The following TAFA2 variants were observed in gnomAD, a reference collection of about 807,000 sequenced individuals.
The protein encoded by TAFA2 is chemokine-like protein TAFA-2.
TAFA2 carries 7 observed loss-of-function variants against 18.8 expected under a neutral mutation model. The ratio of observed to expected loss-of-function variants is 0.37; its 90% CI spans 0.21 to 0.70. TAFA2 has a LOEUF of 0.70. Among genes scored for constraint, TAFA2 ranks in the 30% least tolerant of loss-of-function variants. The pLI is 0.53. For missense variants in TAFA2, 122 were observed against 158.1 expected, an observed-to-expected ratio of 0.77 and a Z score of 1.23; for synonymous variants, 60 against 54.2, an observed-to-expected ratio of 1.11 and a Z score of -0.47.
At chr12:61,814,602 A>AG (rs1872002442) in intron 2 of TAFA2, among the ~76,000 whole-genome samples, 1 of 151,342 alleles carries the variant, frequency 6.6e-6, no homozygotes, top group Admixed American at 6.6e-5. Context: ...TTGCCTATAA[A>AG]GATTTCCTCA....
intron 1 of TAFA2, among the ~76,000 whole-genome samples, chr12:61,997,242 G>A (rs1437343269): frequency 6.7e-6 from 1 of 148,166 alleles, no homozygotes; most frequent in African/African-American, 2.5e-5. Context: ...ATTTAAAAAA[G>A]TAAAATAATG....
intron 1 of TAFA2, among the ~76,000 whole-genome samples, chr12:61,989,339 A>T (rs573788925): frequency 9.9e-5 from 15 of 152,110 alleles, no homozygotes; most frequent in Admixed American, 2.0e-4. Flanking sequence ...TTACCCAAAA[A>T]AGGTTTATGC....
chr12:61,818,587 C>T (rs887347814), intron 2 of TAFA2, among the ~76,000 whole-genome samples: 3 of 151,898 alleles, frequency 2.0e-5, no homozygotes, highest in African/African-American at 7.3e-5. Context: ...AATGGAGCAC[C>T]ACTCTGAGGC....
At chr12:61,805,237 A>G (rs1244025039) in intron 2 of TAFA2, among the ~76,000 whole-genome samples, 2 of 152,022 alleles carry the variant, frequency 1.3e-5, no homozygotes, top group Non-Finnish European at 1.5e-5. Context: ...ACATGGCACA[A>G]TATTTACTCC....
intron 1 of TAFA2, chr12:62,145,551 T>C (rs945957733): frequency 2.8e-4 from 42 of 152,250 alleles, no homozygotes; most frequent in African/African-American, 9.9e-4. Flanking sequence ...TGGAAGAAAA[T>C]ATATTCATGA....
intron 1 of TAFA2, chr12:61,880,619 C>T (rs1045594250): frequency 1.7e-4 from 70 of 414,976 alleles, no homozygotes; most frequent in African/African-American, 1.3e-3. Flanking sequence ...CCTCACAAGC[C>T]CCCCTCCTCA....
chr12:62,010,197 G>A (rs1378644719), intron 1 of TAFA2, among the ~76,000 whole-genome samples: 1 of 120,592 alleles, frequency 8.3e-6, no homozygotes, highest in African/African-American at 3.3e-5. Context: ...TCTTTATTTG[G>A]TCTCCCTCTG....
At chr12:61,952,799 T>A (rs1878515507) in intron 1 of TAFA2, among the ~76,000 whole-genome samples, 1 of 152,028 alleles carries the variant, frequency 6.6e-6, no homozygotes. Context: ...TGTCTCAGAA[T>A]CAGGCATTCT....
Position 62,019,103 on chromosome 12 carries a change from C to T in TAFA2, c.-1-151677G>A, listed in dbSNP as rs1404831694. On this transcript the variant is annotated intron_variant, in intron 1 of 4. Transcript: ENST00000416284. ...TCATCATCACTGGCCATCAGAGAAA[C>T]GCAAATCAAAACCACAATGAGATAC... 2.8e-4 allele frequency among the ~76,000 whole-genome samples: 43 copies of T among 152,178 alleles called. 1 individual carries two copies. The East Asian group carries it at 2.9e-3, about 10-fold the overall frequency.
At chr12:62,238,167 G>T (rs953991730) in intron 1 of TAFA2, among the ~76,000 whole-genome samples, 12 of 152,156 alleles carry the variant, frequency 7.9e-5, no homozygotes, top group African/African-American at 2.4e-4. Context: ...GAAACAATGG[G>T]TTTCCACATG....
intron 1 of TAFA2, among the ~76,000 whole-genome samples, chr12:61,940,412 G>T (rs1311853948): frequency 6.6e-6 from 1 of 152,206 alleles, no homozygotes; most frequent in Non-Finnish European, 1.5e-5. Flanking sequence ...GGCCATCAGG[G>T]CTTCAACATG....
intron 1 of TAFA2, among the ~76,000 whole-genome samples, chr12:61,895,715 A>G (rs1460948141): frequency 6.6e-6 from 1 of 152,178 alleles, no homozygotes; most frequent in South Asian, 2.1e-4. Flanking sequence ...GGCTGGAAAT[A>G]TGTCATTCTC....
chr12:61,978,931 T>C (rs1329314015), intron 1 of TAFA2, among the ~76,000 whole-genome samples: 3 of 152,090 alleles, frequency 2.0e-5, no homozygotes, highest in African/African-American at 7.2e-5. Context: ...CAATATGTCT[T>C]TAATGAACAC....
At chr12:62,068,138 C>T (rs1592316189) in intron 1 of TAFA2, among the ~76,000 whole-genome samples, 1 of 152,070 alleles carries the variant, frequency 6.6e-6, no homozygotes, top group South Asian at 2.1e-4. Flanking sequence ...AGCTTATTTA[C>T]CTTCCTCACT....
chr12:62,087,304 T>C (rs990847911), intron 1 of TAFA2, among the ~76,000 whole-genome samples: 1 of 152,128 alleles, frequency 6.6e-6, no homozygotes, highest in East Asian at 1.9e-4. Context: ...AATTTCAGAT[T>C]ATGTACACTT....
chr12:62,115,076 T>C (rs1189567708), intron 1 of TAFA2, among the ~76,000 whole-genome samples: 1 of 152,204 alleles, frequency 6.6e-6, no homozygotes, highest in East Asian at 1.9e-4. Context: ...CTCAAAACAT[T>C]GACCTCCTTT....
At chr12:61,921,658 G>C (rs916501277) in intron 1 of TAFA2, among the ~76,000 whole-genome samples, 4 of 152,034 alleles carry the variant, frequency 2.6e-5, no homozygotes, top group Non-Finnish European at 2.9e-5. Flanking sequence ...TCTGCAATTA[G>C]AATTGTTCAA....
chr12:61,716,054 A>G (rs1869644374), intron 4 of TAFA2, among the ~76,000 whole-genome samples: 1 of 152,218 alleles, frequency 6.6e-6, no homozygotes, highest in African/African-American at 2.4e-5. Flanking sequence ...TAGCATCTGC[A>G]TCATAGATTG....
intron 1 of TAFA2, among the ~76,000 whole-genome samples, chr12:62,160,944 AAATGAATG>A (rs113504961): frequency 1.7e-4 from 26 of 152,264 alleles, no homozygotes; most frequent in East Asian, 5.8e-4. Context: ...GTGAACTGGA[AAATGAATG>A]AATGAATGAA....
Sources: gnomAD v4.1 joint callset for allele counts (sites outside exome capture counted in the v4.1 genomes callset) on GRCh38, gnomAD v4.1.1 for gene constraint, MANE v1.5 for transcripts, NCBI Gene and HGNC (gene_info 2026-07-23, HGNC 2026-07-21) for gene names.